BCAR3: variants seen among roughly 807,000 people sequenced by gnomAD.
BCAR3 encodes the protein BCAR3 adaptor protein, NSP family member.
In BCAR3, 37 loss-of-function variants were observed where a neutral mutation model predicts 80.1. The observed-to-expected ratio is 0.46, with a 90% CI of 0.36 to 0.61. BCAR3 has a LOEUF of 0.61. Ranked by LOEUF, BCAR3 falls within the 20% of genes least tolerant of loss-of-function variation. The probability of loss-of-function intolerance (pLI) is 0.00; values close to 1 mark genes in which losing one functional copy is unlikely to be tolerated. For missense variants in BCAR3, 978 were observed against 1,068.2 expected (o/e 0.92, Z 1.18); for synonymous variants, 389 against 418.9 (o/e 0.93, Z 0.87).
intron 3 of BCAR3, among the ~76,000 whole-genome samples, chr1:93,593,655 G>A (rs531580541): frequency 6.6e-5 from 10 of 152,096 alleles, no homozygotes; most frequent in South Asian, 6.3e-4. Flanking sequence ...GATTACAGGC[G>A]TGAGCCACCA....
chr1:93,749,783 C>T (rs371520756), intron 2 of BCAR3, among the ~76,000 whole-genome samples: 11 of 151,778 alleles, frequency 7.2e-5, no homozygotes, highest in East Asian at 3.9e-4. Context: ...ACAAGTATTA[C>T]GTAAAGCAAA....
chr1:93,821,279 A>T (rs894506092), intron 2 of BCAR3, among the ~76,000 whole-genome samples: 3 of 152,124 alleles, frequency 2.0e-5, no homozygotes, highest in Non-Finnish European at 4.4e-5. Context: ...AGAGGACAGG[A>T]ATCTCCTGCA....
chr1:93,611,325 A>G (rs955920011), intron 3 of BCAR3, among the ~76,000 whole-genome samples: 1 of 152,184 alleles, frequency 6.6e-6, no homozygotes, highest in Admixed American at 6.5e-5. Context: ...GGGCTTATGC[A>G]TGGACTTTAC....
intron 2 of BCAR3, among the ~76,000 whole-genome samples, chr1:93,664,410 C>G (rs572953782): frequency 6.6e-6 from 1 of 152,182 alleles, no homozygotes; most frequent in Non-Finnish European, 1.5e-5. Context: ...TGAGCCACCG[C>G]GCCTGGCCCA....
chr1:93,709,248 C>T (rs961629915), intron 2 of BCAR3, among the ~76,000 whole-genome samples: 5 of 152,178 alleles, frequency 3.3e-5, no homozygotes, highest in Non-Finnish European at 7.3e-5. Context: ...AACAGCAGGC[C>T]TTCCTGGAGG....
chr1:93,771,609 A>G (rs2100742948), intron 2 of BCAR3, among the ~76,000 whole-genome samples: 1 of 152,364 alleles, frequency 6.6e-6, no homozygotes, highest in South Asian at 2.1e-4. Flanking sequence ...ATAAGTCATA[A>G]GTTAGAATGT....
At chr1:93,809,940 C>T (rs1327007158) in intron 2 of BCAR3, among the ~76,000 whole-genome samples, 2 of 151,976 alleles carry the variant, frequency 1.3e-5, no homozygotes, top group Admixed American at 6.6e-5. Flanking sequence ...GTGGCTCACG[C>T]CTGTAATCCC....
chr1:93,599,741 T>A (rs1674560473), intron 3 of BCAR3: 1 of 152,158 alleles, frequency 6.6e-6, no homozygotes, highest in African/African-American at 2.4e-5. Flanking sequence ...CAGATGTCAA[T>A]ATGGATAAAT....
At chr1:93,727,415 C>T (rs1007514433) in intron 2 of BCAR3, among the ~76,000 whole-genome samples, 1 of 152,192 alleles carries the variant, frequency 6.6e-6, no homozygotes, top group East Asian at 1.9e-4. Flanking sequence ...GAATTTGGGT[C>T]AGAAAAGACT....
At chr1:93,819,493 C>T (rs2818169) in intron 2 of BCAR3, among the ~76,000 whole-genome samples, 43,616 of 152,196 alleles carry the variant, frequency 0.29, 7,229 homozygotes, top group East Asian at 0.53. Flanking sequence ...TGCGCTTTAG[C>T]AAAAGATACA....
At chr1:93,706,560 C>T (rs928426733) in intron 2 of BCAR3, among the ~76,000 whole-genome samples, 1 of 152,042 alleles carries the variant, frequency 6.6e-6, no homozygotes, top group African/African-American at 2.4e-5. Context: ...GAATCTGGCC[C>T]CATCACTTAC....
intron 2 of BCAR3, among the ~76,000 whole-genome samples, chr1:93,669,042 AT>A (rs1469660884): frequency 2.0e-5 from 3 of 152,032 alleles, no homozygotes; most frequent in Non-Finnish European, 4.4e-5. Flanking sequence ...TCAAAATCCA[AT>A]TTTTTTCTCC....
At position 93,589,194 on chromosome 1, in the gene BCAR3, G is replaced by T; in HGVS notation, c.712C>A (p.Arg238Ser). 1 of 1,613,780 alleles carries T rather than the reference G, an allele frequency of 6.2e-7. No individual in the cohort carries two copies. The highest frequency in any genetic ancestry group is 2.2e-5 in the East Asian group (1 of 44,876). The change falls in exon 5 of 12, where the codon CGC becomes AGC. Residue 238 changes from arginine (R) to serine (S), a missense_variant. Arg to Ser is a moderately radical substitution (Grantham distance 110, BLOSUM62 -1). Transcript: ENST00000260502. ...CCACTCTGCTGGGAGATGGGCCGGC[G>T]GTTGCCCACGTAGCAGCGCACCAGG... ...PGLVRCYVGN[R>S]RPISQQSGAI...
At chr1:93,659,839 A>G (rs552522672) in intron 2 of BCAR3, among the ~76,000 whole-genome samples, 1 of 151,510 alleles carries the variant, frequency 6.6e-6, no homozygotes, top group East Asian at 1.9e-4. Context: ...CCACCCACAC[A>G]CACAACTCAT....
chr1:93,592,271 G>T lies in BCAR3; in HGVS notation c.480C>A (p.Pro160=), dbSNP rs749323467. ...AAGGGACAAGACCAGGTACCTGTCG[G>T]GGGATGCGGCCGTGGTACCAGGCAT... is the stretch of plus-strand genomic sequence containing the variant. The part of the protein sequence containing the change: ...RSHAWYHGRI[P]RQVSENLVQR... Residue 160 remains proline (P), a synonymous_variant, in exon 4 of 12, where the codon CCC becomes CCA. Coordinates refer to ENST00000260502, the MANE Select transcript of BCAR3 (RefSeq NM_003567.4). This position sits in a 1 kb window ranked among gnomAD's most constrained non-coding sequence, Gnocchi z 4.8. The T allele has an allele frequency of 1.2e-6, 2 of 1,613,380 alleles. No individual in the cohort carries two copies. Among genetic ancestry groups the T allele is most frequent in the African/African-American group, 2.7e-5 (2 of 74,914 alleles).
At chr1:93,618,678 C>T (rs1447761131) in intron 3 of BCAR3, among the ~76,000 whole-genome samples, 8 of 152,216 alleles carry the variant, frequency 5.3e-5, no homozygotes, top group Middle Eastern at 3.4e-3. Flanking sequence ...CTGTTTTTAG[C>T]GTTCAGGCAA....
At chr1:93,672,922 T>C (rs558557430) in intron 2 of BCAR3, among the ~76,000 whole-genome samples, 2 of 152,240 alleles carry the variant, frequency 1.3e-5, no homozygotes, top group South Asian at 4.1e-4. Context: ...CCAACACTGT[T>C]CTCCTCTCAA....
chr1:93,686,564 G>A (rs1023220058), upstream of BCAR3, among the ~76,000 whole-genome samples: 1 of 152,186 alleles, frequency 6.6e-6, no homozygotes, highest in Non-Finnish European at 1.5e-5. Flanking sequence ...AATGAGAAAA[G>A]TGACTTTACC....
Position 93,582,767 on chromosome 1 carries a change from G to A in BCAR3, c.1220C>T (p.Pro407Leu), listed in dbSNP as rs775742791. ...SQLCPKPPPK[P>L]CKVPFLKVPS... ...AACCTTGAGGAACGGCACCTTGCAG[G>A]GCTTAGGCGGGGGCTTAGGGCACAG... is the stretch of plus-strand genomic sequence containing the variant. The change falls in exon 7 of 12, where the codon CCC becomes CTC. Residue 407 changes from proline (P) to leucine (L), a missense_variant. By Grantham distance (98) the Pro-to-Leu change is moderately conservative. Transcript: ENST00000260502. The A allele has an allele frequency of 1.2e-6, 2 of 1,614,096 alleles. No individual in the cohort carries two copies. Among genetic ancestry groups the A allele is most frequent in the South Asian group, 2.2e-5 (2 of 91,076 alleles).
Sources: allele counts gnomAD v4.1 joint callset (sites outside exome capture counted in the v4.1 genomes callset), GRCh38; gene constraint gnomAD v4.1.1; non-coding constraint Gnocchi (gnomAD v3.1); transcripts MANE v1.5; gene names NCBI Gene and HGNC (gene_info 2026-07-23, HGNC 2026-07-21).